KCTD8: variants seen among roughly 807,000 people sequenced by gnomAD.
The protein encoded by KCTD8 is potassium channel tetramerization domain containing 8.
A neutral mutation model predicts 31.5 loss-of-function variants in KCTD8; 27 were observed. That is an observed-to-expected ratio of 0.86 (90% confidence interval 0.63 to 1.18). The LOEUF (loss-of-function observed/expected upper bound fraction) is 1.18. KCTD8 is among the 50% of genes most tolerant of loss of function. KCTD8 has a pLI of 0.00. For missense variants in KCTD8, 658 were observed against 647.7 expected (o/e 1.02, Z -0.17); for synonymous variants, 290 against 280.0 (o/e 1.04, Z -0.36).
At chr4:44,333,433 T>G (rs1158273937) in intron 1 of KCTD8, among the ~76,000 whole-genome samples, 1 of 152,134 alleles carries the variant, frequency 6.6e-6, no homozygotes, top group Non-Finnish European at 1.5e-5. Context: ...AATATTGTGC[T>G]TTACTCACAA....
At position 44,447,678 on chromosome 4, in the gene KCTD8, G is replaced by A. The variant is rs201210650; in HGVS notation, c.846C>T (p.Arg282=). 6.2e-7 allele frequency: 1 copy of A among 1,612,566 alleles called. No individual in the cohort carries two copies. Among genetic ancestry groups the A allele is most frequent in the Middle Eastern group, 1.6e-4 (1 of 6,062 alleles). ...KFTYLEQAFD[R]LSEAGFHMVA... is the part of the protein sequence containing the mutation. ...CCATGTGGAAGCCGGCCTCGGACAG[G>A]CGATCAAAGGCCTGCTCCAAGTAGG... The change falls in exon 1 of 2, where the codon CGC becomes CGT. Residue 282 remains arginine, a synonymous_variant. Transcript: ENST00000360029.
intron 1 of KCTD8, among the ~76,000 whole-genome samples, chr4:44,186,732 A>G (rs1490615746): frequency 6.6e-6 from 1 of 152,030 alleles, no homozygotes; most frequent in Non-Finnish European, 1.5e-5. Flanking sequence ...GGACAAGGGA[A>G]TTTTTCCCGT....
At chr4:44,296,330 T>C (rs926936218) in intron 1 of KCTD8, among the ~76,000 whole-genome samples, 3 of 151,462 alleles carry the variant, frequency 2.0e-5, no homozygotes, top group Non-Finnish European at 2.9e-5. Context: ...GAAGAGGCTA[T>C]GGAAATTAAA....
intron 1 of KCTD8, among the ~76,000 whole-genome samples, chr4:44,298,818 G>A (rs1717521060): frequency 6.6e-6 from 1 of 152,124 alleles, no homozygotes; most frequent in South Asian, 2.1e-4. Context: ...ACAGAACATA[G>A]CACAGAAGTT....
chr4:44,244,317 A>G (rs1715589333), intron 1 of KCTD8, among the ~76,000 whole-genome samples: 1 of 152,098 alleles, frequency 6.6e-6, no homozygotes, highest in African/African-American at 2.4e-5. Context: ...TAATTCTGGA[A>G]TTGGACTGTG....
intron 1 of KCTD8, among the ~76,000 whole-genome samples, chr4:44,335,465 G>T (rs988988266): frequency 2.0e-5 from 3 of 151,934 alleles, no homozygotes; most frequent in Non-Finnish European, 4.4e-5. Context: ...AATAAAAGTT[G>T]TAAAGAAACT....
chr4:44,223,243 T>C (rs1442483368), intron 1 of KCTD8, among the ~76,000 whole-genome samples: 3 of 152,160 alleles, frequency 2.0e-5, no homozygotes, highest in South Asian at 2.1e-4. Context: ...GATTTCTGTT[T>C]CTAGTGACTG....
At chr4:44,446,633 C>T (rs1338098863) in intron 1 of KCTD8, among the ~76,000 whole-genome samples, 1 of 152,122 alleles carries the variant, frequency 6.6e-6, no homozygotes, top group Non-Finnish European at 1.5e-5. Context: ...GCAAAACGCA[C>T]CCCAGATGCT....
At chr4:44,231,526 T>C (rs1268083199) in intron 1 of KCTD8, among the ~76,000 whole-genome samples, 4 of 152,190 alleles carry the variant, frequency 2.6e-5, no homozygotes, top group African/African-American at 9.6e-5. Context: ...TCCTATTTTC[T>C]CAAAAATGAT....
At chr4:44,438,631 G>A (rs1560455109) in intron 1 of KCTD8, among the ~76,000 whole-genome samples, 1 of 152,038 alleles carries the variant, frequency 6.6e-6, no homozygotes, top group Non-Finnish European at 1.5e-5. Context: ...ATACTTAGCA[G>A]GTCAATAATT....
chr4:44,404,700 G>A (rs1720743098), intron 1 of KCTD8, among the ~76,000 whole-genome samples: 1 of 151,990 alleles, frequency 6.6e-6, no homozygotes, highest in Admixed American at 6.5e-5. Flanking sequence ...AGAAAAATTA[G>A]GTGTTTAATT....
chr4:44,240,340 T>C (rs1715421794), intron 1 of KCTD8, among the ~76,000 whole-genome samples: 1 of 152,200 alleles, frequency 6.6e-6, no homozygotes, highest in Admixed American at 6.5e-5. Flanking sequence ...TCCCCTTACT[T>C]TGAAGTGATT....
chr4:44,215,196 G>A (rs1714612534), intron 1 of KCTD8, among the ~76,000 whole-genome samples: 1 of 152,124 alleles, frequency 6.6e-6, no homozygotes, highest in Admixed American at 6.5e-5. Context: ...CTGGTCTCCT[G>A]TACAGCTAGC....
intron 1 of KCTD8, among the ~76,000 whole-genome samples, chr4:44,245,269 C>T (rs1251288299): frequency 1.3e-5 from 2 of 151,984 alleles, no homozygotes; most frequent in South Asian, 4.1e-4. Flanking sequence ...TAGTCCTCAG[C>T]ATGTTTTAAA....
chr4:44,397,469 A>G (rs1333315209), intron 1 of KCTD8, among the ~76,000 whole-genome samples: 1 of 152,148 alleles, frequency 6.6e-6, no homozygotes, highest in Non-Finnish European at 1.5e-5. Context: ...TTTTGTATAT[A>G]CCCACTGGCA....
intron 1 of KCTD8, among the ~76,000 whole-genome samples, chr4:44,250,387 T>C (rs1158265072): frequency 6.6e-6 from 1 of 151,792 alleles, no homozygotes; most frequent in Admixed American, 6.6e-5. Context: ...TAGGGAGTGT[T>C]TACTATGTTA....
intron 1 of KCTD8, among the ~76,000 whole-genome samples, chr4:44,439,103 A>G (rs1178782985): frequency 6.6e-6 from 1 of 152,194 alleles, no homozygotes; most frequent in East Asian, 1.9e-4. Flanking sequence ...TTGTCACTCC[A>G]TAAACACAGT....
chr4:44,200,497 T>C (rs530350239), intron 1 of KCTD8, among the ~76,000 whole-genome samples: 18 of 152,168 alleles, frequency 1.2e-4, no homozygotes, highest in African/African-American at 4.3e-4. Context: ...GCAAGAGTGC[T>C]TCAACATAAA....
chr4:44,407,042 C>T (rs987129326), intron 1 of KCTD8, among the ~76,000 whole-genome samples: 1 of 152,186 alleles, frequency 6.6e-6, no homozygotes, highest in Non-Finnish European at 1.5e-5. Context: ...GTAGGCATGT[C>T]CAATTCATTG....
Sources: allele counts gnomAD v4.1 joint callset (sites outside exome capture counted in the v4.1 genomes callset), GRCh38; gene constraint gnomAD v4.1.1; transcripts MANE v1.5; gene names NCBI Gene and HGNC (gene_info 2026-07-23, HGNC 2026-07-21).